The following USP50 variants were observed in gnomAD, a reference collection of about 807,000 sequenced individuals.
USP50 encodes ubiquitin specific peptidase 50, also known as ubiquitin carboxyl-terminal hydrolase 50.
Under a neutral mutation model 39.2 loss-of-function variants are expected in USP50, and 37 were observed. The ratio of observed to expected loss-of-function variants is 0.94; its 90% CI spans 0.73 to 1.24. The LOEUF (loss-of-function observed/expected upper bound fraction) is 1.24, where lower values mean the gene tolerates loss of function less well. Among genes scored for constraint, USP50 ranks in the 50% most tolerant of loss-of-function variants. The pLI, the probability that USP50 is intolerant of heterozygous loss-of-function variation, is 0.00. For missense variants in USP50, 374 were observed against 398.2 expected, an observed-to-expected ratio of 0.94 and a Z score of 0.52; for synonymous variants, 139 against 144.5, an observed-to-expected ratio of 0.96 and a Z score of 0.27.
At chr15:50,542,721 T>C (rs1295109101) in intron 3 of USP50, among the ~76,000 whole-genome samples, 1 of 152,022 alleles carries the variant, frequency 6.6e-6, no homozygotes, top group Admixed American at 6.6e-5. Context: ...ACTCCTGACC[T>C]CAAGTGATCC....
chr15:50,499,096 T>C (rs1465557592), downstream of USP50: 6 of 1,587,758 alleles, frequency 3.8e-6, no homozygotes, highest in African/African-American at 6.8e-5. Flanking sequence ...TAAGGAGACA[T>C]AGGTTATAAA....
chr15:50,544,438 T>C (rs2053055437), intron 2 of USP50, 149 bp downstream of exon 2: 2 of 584,630 alleles, frequency 3.4e-6, no homozygotes, highest in Non-Finnish European at 5.6e-6. Context: ...TTCCCACTTT[T>C]ACTTACTCTA....
chr15:50,537,824 A>C (rs934074232), intron 5 of USP50, among the ~76,000 whole-genome samples: 3 of 136,202 alleles, frequency 2.2e-5, no homozygotes, highest in Admixed American at 7.7e-5. Flanking sequence ...TCACCACTGC[A>C]CTCCAGCCTG....
At chr15:50,532,331 G>A (rs2052947551) in intron 5 of USP50, 1 of 410,284 alleles carries the variant, frequency 2.4e-6, no homozygotes, top group South Asian at 1.8e-5. Flanking sequence ...TAACCTGCTG[G>A]GGTCTTATCA....
At chr15:50,514,820 C>T (rs938381163) in intron 6 of USP50, among the ~76,000 whole-genome samples, 1 of 151,390 alleles carries the variant, frequency 6.6e-6, no homozygotes, top group African/African-American at 2.4e-5. Context: ...GAGCCACCAC[C>T]CCTGGCCTAC....
downstream of USP50, chr15:50,497,296 A>G: frequency 6.5e-7 from 1 of 1,533,316 alleles, no homozygotes. Flanking sequence ...GTTCTGTGTA[A>G]TTTATACTTG....
intron 5 of USP50, among the ~76,000 whole-genome samples, chr15:50,530,779 C>G (rs963887519): frequency 6.6e-6 from 1 of 152,012 alleles, no homozygotes; most frequent in African/African-American, 2.4e-5. Context: ...AAAGGGATAA[C>G]CAAGGCTCAA....
At chr15:50,512,061 T>A (rs1421275386) in intron 6 of USP50, 1 of 151,758 alleles carries the variant, frequency 6.6e-6, no homozygotes, top group African/African-American at 2.4e-5. Flanking sequence ...ATATATAAAG[T>A]AGAGGCCAGG....
downstream of USP50, chr15:50,497,148 C>T (rs765261903): frequency 6.2e-7 from 1 of 1,609,618 alleles, no homozygotes; most frequent in South Asian, 1.1e-5. Flanking sequence ...GATTTTACTG[C>T]AGTCATTGCA....
intron 6 of USP50, among the ~76,000 whole-genome samples, chr15:50,525,729 G>GTATATTA (rs200842235): frequency 2.6e-5 from 3 of 114,456 alleles, no homozygotes; most frequent in African/African-American, 1.1e-4. Flanking sequence ...ATGTATATAT[G>GTATATTA]TATATGTATA....
Position 50,544,645 on chromosome 15 carries a change from T to A in USP50, c.190A>T (p.Ser64Cys). ...AAGTATTCCACCAGCGGCAAGATGC[T>A]GCAGAGACACTGTGAGATGGCATTC... is the stretch of plus-strand genomic sequence containing the variant. ...CVNAISQCLCSILPLVEYFLT... is the reference protein window; with the variant it reads ...CVNAISQCLCCILPLVEYFLT... Residue 64 changes from serine (S) to cysteine (C), a missense_variant, in exon 2 of 7, where the codon AGC (serine) becomes TGC (cysteine). Coordinates refer to ENST00000532404, the MANE Select transcript of USP50 (RefSeq NM_203494.5). 2 of 1,613,896 alleles carry A rather than the reference T, an allele frequency of 1.2e-6. No homozygotes were observed. Among genetic ancestry groups the A allele is most frequent in the Non-Finnish European group, 1.7e-6 (2 of 1,179,858 alleles).
downstream of USP50, chr15:50,497,294 T>C: frequency 6.5e-7 from 1 of 1,534,432 alleles, no homozygotes; most frequent in Non-Finnish European, 8.7e-7. Context: ...AAGTTCTGTG[T>C]AATTTATACT....
intron 6 of USP50, among the ~76,000 whole-genome samples, chr15:50,524,661 T>C (rs1349901902): frequency 6.6e-6 from 1 of 152,226 alleles, no homozygotes; most frequent in African/African-American, 2.4e-5. Context: ...TGTACTTTGT[T>C]GGTGGGAATG....
At chr15:50,544,931 A>C (rs921364642) in intron 1 of USP50, 150 bp from the exon 2 acceptor site, 3 of 812,584 alleles carry the variant, frequency 3.7e-6, no homozygotes, top group Non-Finnish European at 5.6e-6. Flanking sequence ...GAAGTATTGG[A>C]ACTTGGAGTC....
chr15:50,501,884 A>G (rs1178917415), intron 6 of USP50: 1 of 152,152 alleles, frequency 6.6e-6, no homozygotes, highest in Non-Finnish European at 1.5e-5. Context: ...TATATGTGAA[A>G]ATTTTATGAA....
In USP50 at chr15:50,534,331, C is replaced by T. The variant is rs573119605; in HGVS notation, c.803+4378G>A. On this transcript the variant is annotated intron_variant, in intron 5 of 6. Transcript: ENST00000532404. ...TGTATATTGCAAACTCTAGGGCAAC[C>T]ACTAACAAATGTTTTAAAAAGTATA... 9.9e-5 allele frequency among the ~76,000 whole-genome samples: 15 copies of T among 152,032 alleles called. No homozygotes were observed. The South Asian group carries it at 3.1e-3, about 32-fold the overall frequency.
chr15:50,543,476 C>T (rs1253933580), intron 3 of USP50, 122 bp downstream of exon 3: 4 of 888,860 alleles, frequency 4.5e-6, no homozygotes, highest in Non-Finnish European at 6.9e-6. Flanking sequence ...CTCCATGGGA[C>T]ACCTAGCACA....
intron 4 of USP50, among the ~76,000 whole-genome samples, chr15:50,540,102 C>T (rs1326964994): frequency 2.6e-5 from 4 of 152,252 alleles, no homozygotes; most frequent in East Asian, 1.9e-4. Context: ...AATGTGCTTT[C>T]GTAATTTAGG....
chr15:50,531,751 T>C (rs1176986766), intron 5 of USP50, among the ~76,000 whole-genome samples: 1 of 152,130 alleles, frequency 6.6e-6, no homozygotes, highest in Non-Finnish European at 1.5e-5. Flanking sequence ...TTTGAACAAT[T>C]TGAACACCAA....
Sources: gnomAD v4.1 joint callset for allele counts (sites outside exome capture counted in the v4.1 genomes callset) on GRCh38, gnomAD v4.1.1 for gene constraint, MANE v1.5 for transcripts, NCBI Gene and HGNC (gene_info 2026-07-23, HGNC 2026-07-21) for gene names.